The following UNC5D variants were observed in gnomAD, a reference collection of about 807,000 sequenced individuals.
UNC5D encodes unc-5 netrin receptor D, also known as netrin receptor UNC5D.
A neutral mutation model predicts 105.4 loss-of-function variants in UNC5D; 39 were observed. The observed-to-expected ratio is 0.37, with a 90% CI of 0.29 to 0.48. The LOEUF (loss-of-function observed/expected upper bound fraction) is 0.48. UNC5D is among the 20% of genes least tolerant of loss of function. The pLI, the probability that UNC5D is intolerant of heterozygous loss-of-function variation, is 0.98. For synonymous variants in UNC5D, 452 were observed against 450.4 expected (o/e 1.00, Z -0.04); for missense variants, 991 against 1,202.4 (o/e 0.82, Z 2.60).
At chr8:35,639,123 G>A (rs1343872262) in intron 4 of UNC5D, among the ~76,000 whole-genome samples, 3 of 152,178 alleles carry the variant, frequency 2.0e-5, no homozygotes, top group African/African-American at 7.2e-5. Context: ...TGGATTCTGT[G>A]TAGGAGAGAA....
intron 1 of UNC5D, among the ~76,000 whole-genome samples, chr8:35,326,983 G>A (rs1378853976): frequency 6.6e-6 from 1 of 152,140 alleles, no homozygotes; most frequent in African/African-American, 2.4e-5. Context: ...GTTTAGCGGT[G>A]GGGAGTTGTT....
At chr8:35,366,055 ATAT>A (rs987126550) in intron 1 of UNC5D, among the ~76,000 whole-genome samples, 3 of 152,268 alleles carry the variant, frequency 2.0e-5, no homozygotes, top group African/African-American at 7.2e-5. Context: ...TATCCCAAAA[ATAT>A]TATGGATTTG....
chr8:35,754,560 G>C (rs1004974398), intron 13 of UNC5D, among the ~76,000 whole-genome samples: 1 of 152,142 alleles, frequency 6.6e-6, no homozygotes, highest in African/African-American at 2.4e-5. Flanking sequence ...CTCCCCGGAA[G>C]ACCTTGCAAG....
intron 4 of UNC5D, among the ~76,000 whole-genome samples, chr8:35,638,420 A>G (rs1022207932): frequency 5.3e-5 from 8 of 152,118 alleles, no homozygotes; most frequent in African/African-American, 1.2e-4. Flanking sequence ...AGAGGGGACT[A>G]TATGATCTAT....
intron 4 of UNC5D, among the ~76,000 whole-genome samples, chr8:35,679,654 C>A (rs1586413291): frequency 6.6e-6 from 1 of 152,096 alleles, no homozygotes; most frequent in African/African-American, 2.4e-5. Context: ...TAGAAAGTGG[C>A]GTGGTCTCAT....
At chr8:35,321,578 C>T (rs1458214354) in intron 1 of UNC5D, among the ~76,000 whole-genome samples, 1 of 152,128 alleles carries the variant, frequency 6.6e-6, no homozygotes, top group Non-Finnish European at 1.5e-5. Flanking sequence ...TCTATTAAAC[C>T]TCTTTCCTTT....
At chr8:35,325,972 T>C (rs1391442782) in intron 1 of UNC5D, among the ~76,000 whole-genome samples, 1 of 152,214 alleles carries the variant, frequency 6.6e-6, no homozygotes, top group Non-Finnish European at 1.5e-5. Context: ...CTAACTGGCA[T>C]CTTTCGGTCC....
At chr8:35,443,522 G>A (rs567637629) in intron 1 of UNC5D, among the ~76,000 whole-genome samples, 1 of 151,848 alleles carries the variant, frequency 6.6e-6, no homozygotes, top group South Asian at 2.1e-4. Flanking sequence ...AGTGATGGTG[G>A]GTTTAGTTCT....
At chr8:35,324,233 C>CAAAAACAAAAAAAAAA (rs1809973383) in intron 1 of UNC5D, among the ~76,000 whole-genome samples, 1 of 62,802 alleles carries the variant, frequency 1.6e-5, no homozygotes, top group Non-Finnish European at 2.9e-5. Context: ...ACCCTGTCTC[C>CAAAAACAAAAAAAAAA]AAAAAAAAAA....
intron 1 of UNC5D, among the ~76,000 whole-genome samples, chr8:35,542,763 A>G (rs1259560264): frequency 3.9e-5 from 6 of 152,252 alleles, no homozygotes; most frequent in East Asian, 1.9e-4. Flanking sequence ...GCAACGGTCC[A>G]TATCACTAGG....
intron 1 of UNC5D, among the ~76,000 whole-genome samples, chr8:35,387,319 C>T (rs1228741912): frequency 7.0e-6 from 1 of 142,944 alleles, no homozygotes; most frequent in Admixed American, 7.2e-5. Context: ...GTAGAGATCG[C>T]GCCACTGCAC....
In UNC5D at chr8:35,796,073, A is replaced by T. The variant is rs1281882857; in HGVS notation, c.*5510A>T. ...TTCAAGTGATTCACATCTCAAACCC[A>T]TACCACTCTCAACTTTTATTTGATG... On this transcript the variant is annotated 3_prime_UTR_variant, in exon 17 of 17. Coordinates refer to ENST00000404895, the MANE Select transcript of UNC5D (RefSeq NM_080872.4). 1 of 152,128 alleles carries T rather than the reference A, an allele frequency of 6.6e-6. No individual in the cohort carries two copies. The highest frequency in any genetic ancestry group is 1.9e-4 in the East Asian group (1 of 5,182). 9.4% of individuals were successfully genotyped at this position (152,128 alleles called of 1,614,324 possible).
intron 1 of UNC5D, among the ~76,000 whole-genome samples, chr8:35,272,314 C>G (rs1305307926): frequency 6.6e-6 from 1 of 152,116 alleles, no homozygotes; most frequent in Non-Finnish European, 1.5e-5. Context: ...TGGTTGGGTT[C>G]CCCTGGGATG....
At chr8:35,624,798 T>C (rs1395756212) in intron 4 of UNC5D, among the ~76,000 whole-genome samples, 1 of 152,166 alleles carries the variant, frequency 6.6e-6, no homozygotes, top group Non-Finnish European at 1.5e-5. Context: ...CCACAGCATC[T>C]CTCTAAATTA....
chr8:35,485,750 G>A (rs76615694), intron 1 of UNC5D, among the ~76,000 whole-genome samples: 1,548 of 152,232 alleles, frequency 0.01, 17 homozygotes, highest in Non-Finnish European at 0.017. Flanking sequence ...TAATTTTCCT[G>A]AGGTTAATTT....
At chr8:35,402,058 A>G (rs1240502169) in intron 1 of UNC5D, among the ~76,000 whole-genome samples, 1 of 152,142 alleles carries the variant, frequency 6.6e-6, no homozygotes, top group Admixed American at 6.5e-5. Flanking sequence ...CTCCGTGTGG[A>G]TCACTGAAAG....
intron 16 of UNC5D, among the ~76,000 whole-genome samples, chr8:35,775,358 T>C (rs1302306154): frequency 2.0e-5 from 3 of 152,170 alleles, no homozygotes; most frequent in Admixed American, 1.3e-4. Flanking sequence ...CTAACATTTG[T>C]AGTTGAGAGT....
intron 4 of UNC5D, among the ~76,000 whole-genome samples, chr8:35,675,246 C>T (rs79249054): frequency 0.012 from 1,767 of 152,234 alleles, 12 homozygotes; most frequent in Middle Eastern, 0.024. Context: ...ATGGACCCCT[C>T]CCTTACCTCT....
intron 1 of UNC5D, among the ~76,000 whole-genome samples, chr8:35,428,338 G>C (rs1180688953): frequency 7.2e-6 from 1 of 139,716 alleles, no homozygotes; most frequent in Non-Finnish European, 1.5e-5. Flanking sequence ...ATGCCACCAT[G>C]CCTGGCTATT....
Sources: gnomAD v4.1 joint callset for allele counts (sites outside exome capture counted in the v4.1 genomes callset) on GRCh38, gnomAD v4.1.1 for gene constraint, MANE v1.5 for transcripts, NCBI Gene and HGNC (gene_info 2026-07-23, HGNC 2026-07-21) for gene names.